IMMP2L: variants seen among roughly 807,000 people sequenced by gnomAD.
IMMP2L encodes inner mitochondrial membrane peptidase subunit 2.
Under a neutral mutation model 19.3 loss-of-function variants are expected in IMMP2L, and 18 were observed. The observed-to-expected ratio is 0.93, with a 90% CI of 0.64 to 1.38. The LOEUF (loss-of-function observed/expected upper bound fraction) is 1.38. IMMP2L is among the 40% of genes most tolerant of loss of function. The pLI, the probability that IMMP2L is intolerant of heterozygous loss-of-function variation, is 0.00. For synonymous variants in IMMP2L, 76 were observed against 73.0 expected (o/e 1.04, Z -0.21); for missense variants, 233 against 218.2 (o/e 1.07, Z -0.43).
chr7:111,283,958 G>A (rs1377483824), intron 3 of IMMP2L, among the ~76,000 whole-genome samples: 3 of 122,968 alleles, frequency 2.4e-5, no homozygotes, highest in Admixed American at 9.7e-5. Context: ...GCGACAGAGC[G>A]AGACTCCGTC....
At position 111,402,161 on chromosome 7, in the gene IMMP2L, ATAATAATAATAT is replaced by A. The variant is rs1441527480; in HGVS notation, c.239+85065_239+85076del. On this transcript the variant is annotated intron_variant, in intron 3 of 5. Coordinates refer to ENST00000405709, the MANE Select transcript of IMMP2L (RefSeq NM_032549.4). ...AATAATAATAATAATAATAATAATA[ATAATAATAATAT>A]TAAGTTAGGAAAAAGCAATCCTCCA... Among the ~76,000 whole-genome samples the A allele has an allele frequency of 8.7e-3, 1,211 of 139,518 alleles. 21 individuals are homozygous for A. The highest frequency in any genetic ancestry group is 0.031 in the African/African-American group (1,132 of 36,662). The allele number at this position is 139,518 out of a possible 152,430, so 91.5% of individuals were successfully genotyped here.
intron 3 of IMMP2L, among the ~76,000 whole-genome samples, chr7:111,085,413 C>T (rs901033107): frequency 6.6e-6 from 1 of 152,060 alleles, no homozygotes; most frequent in Non-Finnish European, 1.5e-5. Flanking sequence ...TAGATTGAAG[C>T]TAGTTGATTA....
At chr7:111,112,630 T>C (rs553625186) in intron 3 of IMMP2L, among the ~76,000 whole-genome samples, 2 of 152,314 alleles carry the variant, frequency 1.3e-5, no homozygotes, top group South Asian at 2.1e-4. Context: ...GACACAAATA[T>C]AGCAATGTTG....
intron 5 of IMMP2L, among the ~76,000 whole-genome samples, chr7:110,717,835 C>T (rs1403890680): frequency 8.5e-5 from 13 of 152,110 alleles, no homozygotes; most frequent in Admixed American, 8.5e-4. Context: ...TTGAAAACCG[C>T]TTTCACCTTC....
intron 3 of IMMP2L, among the ~76,000 whole-genome samples, chr7:111,296,489 A>T (rs1563025100): frequency 6.6e-6 from 1 of 151,632 alleles, no homozygotes; most frequent in African/African-American, 2.4e-5. Flanking sequence ...TCTTTACACA[A>T]CTGTTAGAAT....
At chr7:111,511,038 T>G (rs924410283) in intron 2 of IMMP2L, among the ~76,000 whole-genome samples, 1 of 152,110 alleles carries the variant, frequency 6.6e-6, no homozygotes, top group East Asian at 1.9e-4. Context: ...GGCCTAAAAA[T>G]GGCACTTCAC....
chr7:111,201,334 G>T (rs866641579), intron 3 of IMMP2L, among the ~76,000 whole-genome samples: 1 of 150,448 alleles, frequency 6.6e-6, no homozygotes, highest in African/African-American at 2.4e-5. Context: ...ACAGTTTTTT[G>T]AGAATTATAA....
intron 3 of IMMP2L, among the ~76,000 whole-genome samples, chr7:111,385,656 C>A (rs926689070): frequency 2.0e-5 from 3 of 152,164 alleles, no homozygotes; most frequent in Admixed American, 1.3e-4. Flanking sequence ...ACCATATAAA[C>A]GTCATTTTAC....
chr7:111,201,356 T>A (rs1675196972), intron 3 of IMMP2L, among the ~76,000 whole-genome samples: 1 of 151,858 alleles, frequency 6.6e-6, no homozygotes, highest in Non-Finnish European at 1.5e-5. Context: ...ATAACTGCTA[T>A]GGTCTGAATG....
At chr7:111,142,914 G>A (rs900038133) in intron 3 of IMMP2L, among the ~76,000 whole-genome samples, 6 of 151,978 alleles carry the variant, frequency 3.9e-5, no homozygotes, top group African/African-American at 9.7e-5. Context: ...TATCTTTTAC[G>A]TTACAGACAG....
At chr7:111,003,747 A>G (rs750355294) in intron 3 of IMMP2L, among the ~76,000 whole-genome samples, 2 of 152,100 alleles carry the variant, frequency 1.3e-5, no homozygotes, top group Non-Finnish European at 2.9e-5. Flanking sequence ...CCTGGGCTCA[A>G]GTAATCCTCC....
chr7:111,305,742 T>C (rs1822797066), intron 3 of IMMP2L, among the ~76,000 whole-genome samples: 1 of 152,220 alleles, frequency 6.6e-6, no homozygotes, highest in African/African-American at 2.4e-5. Context: ...AGAATCAGCT[T>C]TCAGGTCCTG....
At chr7:111,406,424 T>C (rs1293004590) in intron 3 of IMMP2L, among the ~76,000 whole-genome samples, 1 of 152,104 alleles carries the variant, frequency 6.6e-6, no homozygotes, top group East Asian at 1.9e-4. Context: ...TTTCTGTTCT[T>C]GGTCCCTTAC....
intron 3 of IMMP2L, among the ~76,000 whole-genome samples, chr7:111,004,367 G>A (rs1321274611): frequency 1.3e-5 from 2 of 151,958 alleles, no homozygotes; most frequent in Non-Finnish European, 2.9e-5. Context: ...GTTTTTCTGT[G>A]TTTCCCAGGC....
intron 3 of IMMP2L, among the ~76,000 whole-genome samples, chr7:111,080,142 T>C (rs1045032635): frequency 8.5e-5 from 13 of 152,200 alleles, no homozygotes; most frequent in African/African-American, 3.1e-4. Context: ...AAACAGTACT[T>C]ACTTCTCCAA....
intron 3 of IMMP2L, among the ~76,000 whole-genome samples, chr7:111,075,410 G>A (rs1001205126): frequency 6.6e-6 from 1 of 152,116 alleles, no homozygotes; most frequent in African/African-American, 2.4e-5. Context: ...TTACAGGTGT[G>A]AGCCACTGCA....
chr7:111,467,448 C>A (rs1840781775), intron 3 of IMMP2L, among the ~76,000 whole-genome samples: 1 of 152,084 alleles, frequency 6.6e-6, no homozygotes, highest in African/African-American at 2.4e-5. Flanking sequence ...CTTCTTTTCT[C>A]CTACTTATGT....
At chr7:110,812,849 T>C (rs1802142869) in intron 5 of IMMP2L, among the ~76,000 whole-genome samples, 1 of 152,062 alleles carries the variant, frequency 6.6e-6, no homozygotes, top group African/African-American at 2.4e-5. Flanking sequence ...TAGATGATAC[T>C]TCTTTATGTA....
At chr7:111,162,377 C>A (rs371209867) in intron 3 of IMMP2L, among the ~76,000 whole-genome samples, 269 of 151,932 alleles carry the variant, frequency 1.8e-3, no homozygotes, top group Non-Finnish European at 2.9e-3. Context: ...GGTAAACACG[C>A]GCTCTTAGAG....
Sources: allele counts gnomAD v4.1 joint callset (sites outside exome capture counted in the v4.1 genomes callset), GRCh38; gene constraint gnomAD v4.1.1; transcripts MANE v1.5; gene names NCBI Gene and HGNC (gene_info 2026-07-23, HGNC 2026-07-21).